LGALS2: variants seen among roughly 807,000 people sequenced by gnomAD.
LGALS2 encodes the protein galectin 2.
Under a neutral mutation model 10.1 loss-of-function variants are expected in LGALS2, and 7 were observed. The ratio of observed to expected loss-of-function variants is 0.70; its 90% CI spans 0.40 to 1.31. The LOEUF is 1.31. Among genes scored for constraint, LGALS2 ranks in the 50% most tolerant of loss-of-function variants. The pLI is 0.01. For synonymous variants in LGALS2, 86 were observed against 64.2 expected (o/e 1.34, Z -1.63); for missense variants, 167 against 163.6 (o/e 1.02, Z -0.11).
rs1369676596 is a variant in LGALS2, at chr22:37,579,936, G to A, written c.-31C>T. 1.2e-6 allele frequency: 2 copies of A among 1,611,010 alleles called. No homozygotes were observed. Among genetic ancestry groups the A allele is most frequent in the East Asian group, 4.5e-5 (2 of 44,862 alleles). On this transcript the variant is annotated 5_prime_UTR_variant, in exon 1 of 4. Coordinates refer to ENST00000215886, the MANE Select transcript of LGALS2 (RefSeq NM_006498.3). ...CAGCTCCTGGCGGCAGCTCCCAGCG[G>A]CTCCTGGAGGCCTGTGCTCAGGGTC... is the stretch of plus-strand genomic sequence containing the variant.
chr22:37,570,955 A>G (rs1014890097), intron 2 of LGALS2, among the ~76,000 whole-genome samples: 2 of 152,212 alleles, frequency 1.3e-5, no homozygotes, highest in Non-Finnish European at 2.9e-5. Flanking sequence ...AGGGTAACTG[A>G]TAGTGACAGC....
intron 1 of LGALS2, among the ~76,000 whole-genome samples, chr22:37,577,171 A>T (rs1925711251): frequency 6.6e-6 from 1 of 152,048 alleles, no homozygotes; most frequent in African/African-American, 2.4e-5. Flanking sequence ...AGGTGAGATG[A>T]CCAGGAAAGA....
At chr22:37,578,043 T>C (rs1925739938) in intron 1 of LGALS2, among the ~76,000 whole-genome samples, 1 of 152,356 alleles carries the variant, frequency 6.6e-6, no homozygotes, top group South Asian at 2.1e-4. Context: ...TAATTTGTTA[T>C]TGCAGCCCTA....
At position 37,570,398 on chromosome 22, in the gene LGALS2, A is replaced by T. The variant is rs1175523094; in HGVS notation, c.264T>A (p.Phe88Leu). The T allele has an allele frequency of 6.2e-7, 1 of 1,613,662 alleles. No homozygotes were observed. Among genetic ancestry groups the T allele is most frequent in the Admixed American group, 1.7e-5 (1 of 60,016 alleles). The change falls in exon 4 of 4, where the codon TTT becomes TTA. Residue 88 changes from phenylalanine (F) to leucine (L), a missense_variant. Transcript: ENST00000215886. The part of the protein sequence containing the change: ...PGSEVKFTVT[F>L]ESDKFKVKLP... Reference sequence around the variant, plus strand: ...GCTTCACCTTGAATTTGTCACTCTCAAAGGTCACTGTGAACTGTGGGGAGG... The same window carrying T: ...GCTTCACCTTGAATTTGTCACTCTCTAAGGTCACTGTGAACTGTGGGGAGG...
intron 1 of LGALS2, among the ~76,000 whole-genome samples, chr22:37,574,755 C>A (rs1305454845): frequency 6.6e-6 from 1 of 152,104 alleles, no homozygotes; most frequent in Non-Finnish European, 1.5e-5. Context: ...CATGGGAGGA[C>A]CCTCAGTGCC....
chr22:37,577,878 G>A (rs1176055715), intron 1 of LGALS2, among the ~76,000 whole-genome samples: 2 of 152,148 alleles, frequency 1.3e-5, no homozygotes, highest in East Asian at 1.9e-4. Context: ...CAAGGAATGC[G>A]AGGAGCCACC....
chr22:37,570,543 T>C (rs1427411726), intron 3 of LGALS2, 33 bp downstream of exon 3: 1 of 1,613,564 alleles, frequency 6.2e-7, no homozygotes, highest in East Asian at 2.2e-5. Context: ...CCCCTTGACA[T>C]CACCCCAGTG....
chr22:37,577,851 A>G (rs1393460836), intron 1 of LGALS2, among the ~76,000 whole-genome samples: 1 of 152,166 alleles, frequency 6.6e-6, no homozygotes, highest in Non-Finnish European at 1.5e-5. Context: ...GGAGGCAGAG[A>G]TTGGAGTGAT....
At chr22:37,579,247 C>CAAAAAAAAA (rs111697536) in intron 1 of LGALS2, among the ~76,000 whole-genome samples, 415 of 33,558 alleles carry the variant, frequency 0.012, 22 homozygotes, top group Non-Finnish European at 0.019. Context: ...GACTCCATCT[C>CAAAAAAAAA]AAAAAAAAAA....
Position 37,579,247 on chromosome 22 carries a change from CA to C in LGALS2, c.6+652del, listed in dbSNP as rs111697536. On this transcript the variant is annotated intron_variant, in intron 1 of 3. Transcript: ENST00000215886. The stretch of plus-strand genomic sequence containing the variant: ...TGGGCAACAGAGCGAGACTCCATCT[CA>C]AAAAAAAAAAAAAAAAGAGAAAGAA... Among the ~76,000 whole-genome samples, 65 of 33,580 alleles carry C rather than the reference CA, an allele frequency of 1.9e-3. 1 individual carries two copies. The highest frequency in any genetic ancestry group is 7.6e-3 in the South Asian group (3 of 394). The allele number at this position is 33,580 out of a possible 152,430, so 22.0% of individuals were successfully genotyped here.
In LGALS2 at chr22:37,573,989, A is replaced by T. The variant is rs1034029000; in HGVS notation, c.7-2058T>A. ...TGATCTGCCCACCTCAGCTCCCCAA[A>T]GTGCTGGGATTACAGGCGTGAACCA... On this transcript the variant is annotated intron_variant, in intron 1 of 3. Coordinates refer to ENST00000215886, the MANE Select transcript of LGALS2 (RefSeq NM_006498.3). 5.3e-5 allele frequency among the ~76,000 whole-genome samples: 8 copies of T among 152,068 alleles called. No homozygotes were observed. In the East Asian group the frequency reaches 1.5e-3, roughly 29 times the overall value.
At chr22:37,577,893 G>A (rs745959172) in intron 1 of LGALS2, among the ~76,000 whole-genome samples, 3 of 152,180 alleles carry the variant, frequency 2.0e-5, no homozygotes, top group Non-Finnish European at 4.4e-5. Flanking sequence ...GCCACCAGAA[G>A]CTGGAAGAGG....
intron 1 of LGALS2, among the ~76,000 whole-genome samples, chr22:37,572,808 TA>T (rs1925543956): frequency 7.8e-6 from 1 of 127,504 alleles, no homozygotes; most frequent in Non-Finnish European, 1.6e-5. Context: ...ATAAATAAAA[TA>T]AAATAAAATA....
In LGALS2 at chr22:37,579,769, A is replaced by T. The variant is rs1257562699; in HGVS notation, c.6+131T>A. The T allele has an allele frequency of 4.2e-6, 4 of 955,814 alleles. No individual in the cohort carries two copies. The African/African-American group carries it at 6.6e-5, about 16-fold the overall frequency. The allele number at this position is 955,814 out of a possible 1,614,324, so 59.2% of individuals were successfully genotyped here. A position where few individuals can be genotyped will look rare whatever the true frequency, so the allele number is the denominator to read the frequency against. On this transcript the variant is annotated intron_variant, in intron 1 of 3. Coordinates refer to ENST00000215886, the MANE Select transcript of LGALS2 (RefSeq NM_006498.3). ...TTTTTTAAAAAAAGACCTCTGTCCAACTTCTTTGCTGCACAGATGGGGAAA... is the reference window on the plus strand; with the variant it reads ...TTTTTTAAAAAAAGACCTCTGTCCATCTTCTTTGCTGCACAGATGGGGAAA...
chr22:37,572,683 T>C (rs1301047952), intron 1 of LGALS2, among the ~76,000 whole-genome samples: 2 of 149,392 alleles, frequency 1.3e-5, no homozygotes, highest in African/African-American at 4.9e-5. Flanking sequence ...AGGAGAATGG[T>C]GTGAACCCGG....
chr22:37,575,832 G>A (rs1414470516), intron 1 of LGALS2, among the ~76,000 whole-genome samples: 1 of 152,184 alleles, frequency 6.6e-6, no homozygotes, highest in African/African-American at 2.4e-5. Flanking sequence ...ACGGCGGCAT[G>A]TCAGACAGGA....
In LGALS2 at chr22:37,571,884, C is replaced by G; in HGVS notation, c.54G>C (p.Leu18=). 3 of 1,614,196 alleles carry G rather than the reference C, an allele frequency of 1.9e-6. No homozygotes were observed. The highest frequency in any genetic ancestry group is 2.5e-6 in the Non-Finnish European group (3 of 1,180,018). Residue 18 remains leucine, a synonymous_variant, in exon 2 of 4, where the codon CTG becomes CTC. Transcript: ENST00000215886. ...KNMDMKPGST[L]KITGSIADGT... is the part of the protein sequence containing the mutation. The stretch of plus-strand genomic sequence containing the variant: ...CATCGGCGATGCTGCCTGTGATCTT[C>G]AGGGTTGACCCCGGCTTCATGTCCA...
chr22:37,579,862 A>G (rs1925796906), intron 1 of LGALS2, 38 bp downstream of exon 1: 1 of 1,601,212 alleles, frequency 6.2e-7, no homozygotes, highest in East Asian at 2.2e-5. Context: ...ACAAAGATGA[A>G]CAGAGTGGGG....
intron 1 of LGALS2, 28 bp from the exon 2 acceptor site, chr22:37,571,959 G>T: frequency 1.3e-6 from 2 of 1,579,858 alleles, no homozygotes; most frequent in African/African-American, 1.3e-5. Flanking sequence ...CATTCCACTC[G>T]AGTCCCCACA....
Sources: allele counts gnomAD v4.1 joint callset (sites outside exome capture counted in the v4.1 genomes callset), GRCh38; gene constraint gnomAD v4.1.1; transcripts MANE v1.5; gene names NCBI Gene and HGNC (gene_info 2026-07-23, HGNC 2026-07-21).